PPM1E: variants seen among roughly 807,000 people sequenced by gnomAD.
PPM1E encodes the protein protein phosphatase 1E.
A neutral mutation model predicts 65.9 loss-of-function variants in PPM1E; 20 were observed. That is an observed-to-expected ratio of 0.30 (90% CI 0.21 to 0.44). PPM1E has a LOEUF of 0.44. PPM1E is among the 20% of genes least tolerant of loss of function. PPM1E has a pLI of 1.00. For synonymous variants in PPM1E, 352 were observed against 374.9 expected, an observed-to-expected ratio of 0.94 and a Z score of 0.70; for missense variants, 713 against 953.1, an observed-to-expected ratio of 0.75 and a Z score of 3.32.
rs781300201 is a variant in PPM1E at position 58,770,860 on chromosome 17, C to CT, written c.464+14415dup. Reference sequence around the variant, plus strand: ...AGCTTTCTATTTTACTGTAACTTTTCTTTTTTTTTTTTTTTTAGGCGGAGT... The same window carrying CT: ...AGCTTTCTATTTTACTGTAACTTTTCTTTTTTTTTTTTTTTTTAGGCGGAGT... On this transcript the variant is annotated intron_variant, in intron 1 of 6. Coordinates refer to ENST00000308249, the MANE Select transcript of PPM1E (RefSeq NM_014906.5). 6.8e-3 allele frequency among the ~76,000 whole-genome samples: 926 copies of CT among 136,448 alleles called. 2 individuals are homozygous for CT. The highest frequency in any genetic ancestry group is 0.019 in the African/African-American group (704 of 37,578). The allele number at this position is 136,448 out of a possible 152,430, so 89.5% of individuals were successfully genotyped here.
chr17:58,793,874 C>T (rs2050181080), intron 1 of PPM1E, among the ~76,000 whole-genome samples: 1 of 151,790 alleles, frequency 6.6e-6, no homozygotes, highest in Admixed American at 6.6e-5. Flanking sequence ...GACAGGGTTT[C>T]ACTCTGTTGC....
intron 1 of PPM1E, among the ~76,000 whole-genome samples, chr17:58,790,708 A>G (rs2050149064): frequency 6.6e-6 from 1 of 152,122 alleles, no homozygotes; most frequent in African/African-American, 2.4e-5. Flanking sequence ...ACGCTGATCA[A>G]TAGCCCCAGC....
At chr17:58,909,777 T>C (rs2051601334) in intron 1 of PPM1E, among the ~76,000 whole-genome samples, 1 of 152,032 alleles carries the variant, frequency 6.6e-6, no homozygotes, top group African/African-American at 2.4e-5. Flanking sequence ...TATTCCTAGG[T>C]ACAGGGTTTT....
intron 1 of PPM1E, among the ~76,000 whole-genome samples, chr17:58,859,164 A>G (rs1438067122): frequency 2.6e-5 from 4 of 152,188 alleles, no homozygotes; most frequent in African/African-American, 9.6e-5. Context: ...TACCTATGTT[A>G]TGGCAATTTG....
Position 58,980,452 on chromosome 17 carries a change from G to A in PPM1E, c.1689G>A (p.Val563=). The change falls in exon 7 of 7, where the codon GTG becomes GTA. Residue 563 remains valine, a synonymous_variant. Coordinates refer to ENST00000308249, the MANE Select transcript of PPM1E (RefSeq NM_014906.5). The surrounding 1 kb of genome is among the most constrained non-coding windows in gnomAD (Gnocchi z 4.7). ...TGAGCCCAGGGTCCCAAATCAACGT[G>A]CTGGAAGACCCAGGCTACCTAGATC... ...TSLSPGSQIN[V]LEDPGYLDLT... The A allele has an allele frequency of 1.2e-6, 2 of 1,614,126 alleles. No homozygotes were observed. Among genetic ancestry groups the A allele is most frequent in the East Asian group, 2.2e-5 (1 of 44,872 alleles).
chr17:58,763,072 TG>T (rs1300999501), intron 1 of PPM1E, among the ~76,000 whole-genome samples: 3 of 152,106 alleles, frequency 2.0e-5, no homozygotes, highest in African/African-American at 7.2e-5. Context: ...ACATGTCAGT[TG>T]TTTTTAATTT....
At chr17:58,965,928 A>G (rs975307805) in intron 3 of PPM1E, 35 bp downstream of exon 3, 6 of 1,595,964 alleles carry the variant, frequency 3.8e-6, no homozygotes, top group Admixed American at 1.7e-5. Flanking sequence ...GTGAGATTTT[A>G]AAGACAAAAC....
intron 1 of PPM1E, among the ~76,000 whole-genome samples, chr17:58,779,269 G>C (rs760113518): frequency 1.5e-4 from 23 of 149,712 alleles, no homozygotes; most frequent in Non-Finnish European, 2.8e-4. Flanking sequence ...TCCGCTTCCT[G>C]GGTTCAAGCA....
intron 1 of PPM1E, among the ~76,000 whole-genome samples, chr17:58,930,691 T>C (rs1172334915): frequency 1.3e-5 from 2 of 152,024 alleles, no homozygotes; most frequent in East Asian, 1.9e-4. Context: ...AATGGACATA[T>C]TGGAAGTGCA....
At position 58,755,869 on chromosome 17, in the gene PPM1E, A is replaced by AC. The variant is rs2049752317; in HGVS notation, c.-129_-128insC. 1 of 1,492,028 alleles carries AC rather than the reference A, an allele frequency of 6.7e-7. No homozygotes were observed. The highest frequency in any genetic ancestry group is 1.4e-5 in the African/African-American group (1 of 71,946). 92.4% of individuals were successfully genotyped at this position (1,492,028 alleles called of 1,614,324 possible). On this transcript the variant is annotated 5_prime_UTR_variant, in exon 1 of 7. Coordinates refer to ENST00000308249, the MANE Select transcript of PPM1E (RefSeq NM_014906.5). ...TGCGGGAGCCCTCTCCAGGCAACCT[A>AC]GTGCTGATCGCTCGTGCCGGTGCGG...
Position 58,982,680 on chromosome 17 carries a change from A to T in PPM1E, c.*1649A>T. 5 of 474,872 alleles carry T rather than the reference A, an allele frequency of 1.1e-5. No individual in the cohort carries two copies. The highest frequency in any genetic ancestry group is 5.4e-4 in the Middle Eastern group (1 of 1,850). 29.4% of individuals were successfully genotyped at this position (474,872 alleles called of 1,614,324 possible). A position where few individuals can be genotyped will look rare whatever the true frequency, so the allele number is the denominator to read the frequency against. On this transcript the variant is annotated 3_prime_UTR_variant, in exon 7 of 7. Coordinates refer to ENST00000308249, the MANE Select transcript of PPM1E (RefSeq NM_014906.5). ...TGTTAATCTACAGATTTTATTTTTT[A>T]AAATTTGGATGTAAGTAGAGACTTT...
At chr17:58,889,219 T>G (rs2051316389) in intron 1 of PPM1E, among the ~76,000 whole-genome samples, 1 of 152,174 alleles carries the variant, frequency 6.6e-6, no homozygotes. Context: ...CAAATCTGTG[T>G]GTGGGAGTTC....
intron 1 of PPM1E, among the ~76,000 whole-genome samples, chr17:58,797,758 T>G (rs902038025): frequency 6.6e-6 from 1 of 152,210 alleles, no homozygotes; most frequent in East Asian, 1.9e-4. Flanking sequence ...ATTAGGTAGG[T>G]AGATATACAT....
chr17:58,835,213 T>TAG (rs1165104314), intron 1 of PPM1E, among the ~76,000 whole-genome samples: 7 of 152,048 alleles, frequency 4.6e-5, no homozygotes, highest in Non-Finnish European at 8.8e-5. Flanking sequence ...TGGTGGCACG[T>TAG]GCCTGTAGTC....
chr17:58,814,623 C>T lies in PPM1E; in HGVS notation c.464+58162C>T, dbSNP rs8077235. Among the ~76,000 whole-genome samples the T allele has an allele frequency of 7.9e-4, 120 of 152,268 alleles. 3 individuals are homozygous for T. The East Asian group carries it at 0.016, about 20-fold the overall frequency. ...GGGCTGCTGCATAGACTGTACAGTG[C>T]ATTATTCCAGGGGTGGTGTTCACAC... On this transcript the variant is annotated intron_variant, in intron 1 of 6. Coordinates refer to ENST00000308249, the MANE Select transcript of PPM1E (RefSeq NM_014906.5).
intron 1 of PPM1E, among the ~76,000 whole-genome samples, chr17:58,938,787 CTT>C (rs565049669): frequency 4.0e-5 from 5 of 125,166 alleles, no homozygotes; most frequent in Non-Finnish European, 5.1e-5. Context: ...TACACTAATT[CTT>C]TTTTTTTTTT....
At chr17:58,912,205 CACA>C (rs1333402726) in intron 1 of PPM1E, among the ~76,000 whole-genome samples, 1 of 152,082 alleles carries the variant, frequency 6.6e-6, no homozygotes, top group Non-Finnish European at 1.5e-5. Context: ...CAAGTCAGGG[CACA>C]ACAAGAGCGG....
intron 1 of PPM1E, among the ~76,000 whole-genome samples, chr17:58,779,608 C>T (rs762188578): frequency 2.6e-5 from 4 of 152,132 alleles, no homozygotes; most frequent in Admixed American, 2.6e-4. Context: ...TTCTGTAATT[C>T]AATTATGACC....
At chr17:58,783,768 C>T (rs543858662) in intron 1 of PPM1E, among the ~76,000 whole-genome samples, 2 of 152,166 alleles carry the variant, frequency 1.3e-5, no homozygotes, top group East Asian at 1.9e-4. Flanking sequence ...AGTGCAATGG[C>T]GTGATCTCGG....
Sources: gnomAD v4.1 joint callset for allele counts (sites outside exome capture counted in the v4.1 genomes callset) on GRCh38, gnomAD v4.1.1 for gene constraint, Gnocchi (gnomAD v3.1) non-coding constraint, MANE v1.5 for transcripts, NCBI Gene and HGNC (gene_info 2026-07-23, HGNC 2026-07-21) for gene names.